The following INO80 variants were observed in gnomAD, a reference collection of about 807,000 sequenced individuals.
INO80 encodes the protein chromatin-remodeling ATPase INO80.
A neutral mutation model predicts 203.4 loss-of-function variants in INO80; 20 were observed. The observed-to-expected ratio is 0.10, with a 90% CI of 0.07 to 0.14. The LOEUF is 0.14. Among genes scored for constraint, INO80 ranks in the 10% least tolerant of loss-of-function variants. The probability of loss-of-function intolerance (pLI) is 1.00; values close to 1 mark genes in which losing one functional copy is unlikely to be tolerated. For missense variants in INO80, 1,419 were observed against 1,914.4 expected, an observed-to-expected ratio of 0.74 and a Z score of 4.83; for synonymous variants, 726 against 685.2, an observed-to-expected ratio of 1.06 and a Z score of -0.93.
chr15:41,025,743 C>T (rs2044366318), intron 25 of INO80, among the ~76,000 whole-genome samples: 1 of 151,614 alleles, frequency 6.6e-6, no homozygotes, highest in African/African-American at 2.4e-5. Context: ...CCCCAACAAC[C>T]AAAAAACAAA....
At chr15:41,078,976 A>T (rs1566940740) in intron 9 of INO80, among the ~76,000 whole-genome samples, 1 of 152,148 alleles carries the variant, frequency 6.6e-6, no homozygotes, top group Non-Finnish European at 1.5e-5. Flanking sequence ...CCCTGTCTCT[A>T]CTAAAAATAC....
At chr15:41,064,943 G>A (rs2045183129) in intron 14 of INO80, among the ~76,000 whole-genome samples, 1 of 151,966 alleles carries the variant, frequency 6.6e-6, no homozygotes, top group Non-Finnish European at 1.5e-5. Flanking sequence ...AGGTTGCAGT[G>A]AGCCAAGATC....
chr15:41,058,961 T>C (rs2045051350), intron 15 of INO80, among the ~76,000 whole-genome samples, 180 bp from the exon 16 acceptor site: 1 of 152,068 alleles, frequency 6.6e-6, no homozygotes. Context: ...GTCTGTTGTT[T>C]TGCTGTTGTT....
At chr15:41,023,795 G>A (rs1352615407) in intron 25 of INO80, among the ~76,000 whole-genome samples, 25 of 115,224 alleles carry the variant, frequency 2.2e-4, no homozygotes, top group African/African-American at 4.1e-4. Context: ...AAAACAAAAC[G>A]AAAAAAAGAA....
intron 27 of INO80, among the ~76,000 whole-genome samples, chr15:41,008,579 G>A (rs776611642): frequency 1.4e-4 from 21 of 152,106 alleles, no homozygotes; most frequent in Non-Finnish European, 2.4e-4. Flanking sequence ...TCACATGGTC[G>A]ACCTTAAATA....
chr15:41,049,432 G>T lies in INO80; in HGVS notation c.2443-12C>A. On this transcript the variant is annotated splice_polypyrimidine_tract_variant and intron_variant, in intron 20 of 35. Coordinates refer to ENST00000648947, the MANE Select transcript of INO80 (RefSeq NM_017553.3). ...GGGTGATTACACACCTAAAAGGAAG[G>T]GAAATGGTAAGACAATATTACCACA... is the stretch of plus-strand genomic sequence containing the variant. The T allele has an allele frequency of 6.2e-7, 1 of 1,613,280 alleles. No individual in the cohort carries two copies. The highest frequency in any genetic ancestry group is 2.2e-5 in the East Asian group (1 of 44,866).
chr15:41,070,390 C>T (rs2045291179), intron 13 of INO80, 77 bp downstream of exon 13: 5 of 1,278,694 alleles, frequency 3.9e-6, no homozygotes, highest in Admixed American at 1.7e-5. Context: ...TAACATAGTG[C>T]TTTTAAGTGG....
intron 26 of INO80, among the ~76,000 whole-genome samples, chr15:41,020,468 T>C (rs1474088505): frequency 6.6e-6 from 1 of 152,186 alleles, no homozygotes; most frequent in Admixed American, 6.5e-5. Flanking sequence ...TAGAATGCAC[T>C]GTTTTTCCTC....
chr15:40,998,884 A>G (rs1445716593), intron 28 of INO80, among the ~76,000 whole-genome samples: 2 of 151,484 alleles, frequency 1.3e-5, no homozygotes, highest in Admixed American at 1.3e-4. Context: ...CTGGTCTCCT[A>G]CCTCAGGTGA....
At chr15:41,021,641 T>C (rs937729402) in intron 25 of INO80, among the ~76,000 whole-genome samples, 1 of 152,348 alleles carries the variant, frequency 6.6e-6, no homozygotes, top group African/African-American at 2.4e-5. Flanking sequence ...CCTGACCAGG[T>C]TGCTGACTGA....
intron 16 of INO80, among the ~76,000 whole-genome samples, 199 bp downstream of exon 16, chr15:41,058,440 C>T (rs894755929): frequency 2.0e-5 from 3 of 152,072 alleles, no homozygotes; most frequent in African/African-American, 4.8e-5. Context: ...GCGAGAGGAT[C>T]GCTTGAAGCC....
At chr15:41,088,269 T>C (rs1016325812) in intron 5 of INO80, among the ~76,000 whole-genome samples, 5 of 151,974 alleles carry the variant, frequency 3.3e-5, no homozygotes, top group Non-Finnish European at 7.4e-5. Context: ...TTTGTATTTT[T>C]AGTAGACACG....
Position 40,985,350 on chromosome 15 carries a change from C to A in INO80, c.3909G>T (p.Lys1303Asn). 6.2e-7 allele frequency: 1 copy of A among 1,613,818 alleles called. No homozygotes were observed. The highest frequency in any genetic ancestry group is 1.1e-5 in the South Asian group (1 of 91,082). The stretch of plus-strand genomic sequence containing the variant: ...AGGCTGGAAATACCTTCTCTGCATA[C>A]TTTTCCCGCTTCCGCTTGCGCTCTT... ...RVKERKRKRE[K>N]YAEKKKKEDE... The change falls in exon 32 of 36, where the codon AAG becomes AAT. Residue 1303 changes from lysine (K) to asparagine (N), a missense_variant. Physicochemically the swap from Lys to Asn is moderately conservative, Grantham distance 94. Around this residue, in one of 9 missense-constraint regions of INO80, gnomAD observed 214 missense variants for 248.9 expected, o/e 0.86. Coordinates refer to ENST00000648947, the MANE Select transcript of INO80 (RefSeq NM_017553.3).
chr15:41,004,712 C>A (rs557062185), intron 28 of INO80: 17 of 152,270 alleles, frequency 1.1e-4, no homozygotes, highest in African/African-American at 3.6e-4. Flanking sequence ...TTCATAGGCT[C>A]ATTAGCAGGT....
intron 13 of INO80, 37 bp from the exon 14 acceptor site, chr15:41,069,702 A>G (rs1424974680): frequency 8.7e-7 from 1 of 1,150,894 alleles, no homozygotes; most frequent in Non-Finnish European, 1.3e-6. Flanking sequence ...ACTACAGGAA[A>G]AGGGAAGGTA....
At chr15:40,985,782 G>A (rs1031962476) in intron 31 of INO80, among the ~76,000 whole-genome samples, 3 of 151,950 alleles carry the variant, frequency 2.0e-5, no homozygotes, top group East Asian at 3.9e-4. Context: ...AGTGGTACGC[G>A]CCTGGGTCCC....
intron 32 of INO80, 129 bp downstream of exon 32, chr15:40,985,209 A>G (rs1178698670): frequency 1.5e-6 from 1 of 676,326 alleles, no homozygotes; most frequent in Non-Finnish European, 2.7e-6. Flanking sequence ...CCAGAAATGT[A>G]GCTGATCATA....
At chr15:41,042,306 G>A (rs746838585) in intron 24 of INO80, among the ~76,000 whole-genome samples, 10 of 151,926 alleles carry the variant, frequency 6.6e-5, no homozygotes, top group African/African-American at 2.4e-4. Context: ...AAGCCACCAC[G>A]CCCCACCTAA....
chr15:41,041,898 A>T (rs1172788419), intron 24 of INO80, among the ~76,000 whole-genome samples: 2 of 143,172 alleles, frequency 1.4e-5, no homozygotes, highest in African/African-American at 2.6e-5. Context: ...ACAGTGGTGC[A>T]CTCAGGGTTC....
Sources: gnomAD v4.1 joint callset for allele counts (sites outside exome capture counted in the v4.1 genomes callset) on GRCh38, gnomAD v4.1.1 for gene constraint, gnomAD v4.1.1 regional missense constraint, MANE v1.5 for transcripts, NCBI Gene and HGNC (gene_info 2026-07-23, HGNC 2026-07-21) for gene names.